Variants in GYPB observed in about 807,000 individuals in gnomAD.
GYPB encodes glycophorin B (MNS blood group), also known as glycophorin-B.
A neutral mutation model predicts 15.3 loss-of-function variants in GYPB; 13 were observed. That is an observed-to-expected ratio of 0.85 (90% CI 0.55 to 1.35). The LOEUF (loss-of-function observed/expected upper bound fraction) is 1.35, where lower values mean the gene tolerates loss of function less well. Ranked by LOEUF, GYPB falls within the 40% of genes most tolerant of loss-of-function variation. GYPB has a pLI of 0.00. For missense variants in GYPB, 131 were observed against 108.3 expected, an observed-to-expected ratio of 1.21 and a Z score of -0.93; for synonymous variants, 38 against 36.9, an observed-to-expected ratio of 1.03 and a Z score of -0.11.
At chr4:143,997,040 G>T (rs932449344) in intron 4 of GYPB, among the ~76,000 whole-genome samples, 2 of 150,912 alleles carry the variant, frequency 1.3e-5, no homozygotes, top group Non-Finnish European at 2.9e-5. Context: ...CTGAATAGCT[G>T]ATACTACACA....
At chr4:144,010,322 A>G (rs1728153462) in intron 1 of GYPB, among the ~76,000 whole-genome samples, 1 of 151,308 alleles carries the variant, frequency 6.6e-6, no homozygotes, top group Non-Finnish European at 1.5e-5. Flanking sequence ...CAAAAAAATT[A>G]GTCAGGTGTG....
chr4:144,006,695 C>A (rs1470818176), intron 1 of GYPB, among the ~76,000 whole-genome samples: 1 of 152,050 alleles, frequency 6.6e-6, no homozygotes, highest in East Asian at 1.9e-4. Flanking sequence ...CAAACTCTTA[C>A]AAGGACACAC....
In GYPB at chr4:144,005,611, C is replaced by A. The variant is rs1727873251; in HGVS notation, c.38-4328G>T. On this transcript the variant is annotated intron_variant, in intron 1 of 4. Coordinates refer to ENST00000502664, the MANE Select transcript of GYPB (RefSeq NM_002100.6). Reference sequence around the variant, plus strand: ...TGAGATGAGAGTCAGTTTCTTAACCCCTTCACATCTTCTGGCAGGAACACA... The same window carrying A: ...TGAGATGAGAGTCAGTTTCTTAACCACTTCACATCTTCTGGCAGGAACACA... Among the ~76,000 whole-genome samples, 3 of 151,608 alleles carry A rather than the reference C, an allele frequency of 2.0e-5. No individual in the cohort carries two copies. The South Asian group carries it at 6.2e-4, about 31-fold the overall frequency.
In GYPB at chr4:143,996,449, C is replaced by T. The variant is rs938718039; in HGVS notation, c.271-145G>A. On this transcript the variant is annotated intron_variant, in intron 4 of 4. Transcript: ENST00000502664. ...TTCTAAAGGGTACCTAGGGGTGTTG[C>T]CAAGTTCTTTTGGTTTTATAAAAAC... The T allele has an allele frequency of 9.0e-6, 13 of 1,445,670 alleles. No individual in the cohort carries two copies. In the South Asian group the frequency reaches 1.7e-4, roughly 18 times the overall value. 89.6% of individuals were successfully genotyped at this position (1,445,670 alleles called of 1,614,324 possible).
intron 1 of GYPB, among the ~76,000 whole-genome samples, chr4:144,018,390 TAC>T (rs1728614001): frequency 6.6e-6 from 1 of 151,074 alleles, no homozygotes; most frequent in Admixed American, 6.6e-5. Flanking sequence ...CCCTGTATGC[TAC>T]AGAGTGCTCA....
At chr4:144,016,567 A>G (rs1301452501) in intron 1 of GYPB, among the ~76,000 whole-genome samples, 1 of 151,304 alleles carries the variant, frequency 6.6e-6, no homozygotes. Context: ...TAAAGTAGGC[A>G]TGATGATATC....
chr4:144,000,247 G>A (rs1727553433), intron 2 of GYPB: 1 of 202,982 alleles, frequency 4.9e-6, no homozygotes, highest in Non-Finnish European at 1.0e-5. Context: ...AGTTGTGGGT[G>A]CTATATGGGC....
chr4:144,002,450 G>A (rs1481145879), intron 1 of GYPB: 1 of 420,606 alleles, frequency 2.4e-6, no homozygotes, highest in Non-Finnish European at 4.2e-6. Context: ...GTATTCCATT[G>A]TATGAATGTT....
At position 144,000,839 on chromosome 4, in the gene GYPB, G is replaced by C. The variant is rs545056245; in HGVS notation, c.136+346C>G. On this transcript the variant is annotated intron_variant, in intron 2 of 4. Transcript: ENST00000502664. ...TCACCCTGGGTCAGCAGCTGGGATA[G>C]AGCTGAGCCCAGGTCTGAGCTGAAC... is the stretch of plus-strand genomic sequence containing the variant. 2.0e-5 allele frequency among the ~76,000 whole-genome samples: 3 copies of C among 151,352 alleles called. No homozygotes were observed. The East Asian group carries it at 5.8e-4, about 29-fold the overall frequency.
At chr4:144,018,484 T>C in intron 1 of GYPB, among the ~76,000 whole-genome samples, 1 of 151,322 alleles carries the variant, frequency 6.6e-6, no homozygotes, top group East Asian at 1.9e-4. Context: ...GCCTGCCCCC[T>C]GTGTGCTGGG....
rs934491920 is a variant in GYPB at position 144,001,662 on chromosome 4, A to G, written c.38-379T>C. On this transcript the variant is annotated intron_variant, in intron 1 of 4. Transcript: ENST00000502664. The stretch of plus-strand genomic sequence containing the variant: ...TGTGTATGTGTTAGTATAGTACTTG[A>G]CACATAAAGAGCATTACATATATGT... Among the ~76,000 whole-genome samples the G allele has an allele frequency of 2.2e-4, 34 of 151,326 alleles. 3 individuals are homozygous for G. The highest frequency in any genetic ancestry group is 7.4e-4 in the African/African-American group (30 of 40,686).
In GYPB at chr4:143,997,647, G is replaced by A. The variant is rs1206751146; in HGVS notation, c.176-13C>T. ...ATCACTACAGGAGCTAAAGAGAGCAGCAAAATTATGAAAGTCTGAAATAAA... is the reference window on the plus strand; with the variant it reads ...ATCACTACAGGAGCTAAAGAGAGCAACAAAATTATGAAAGTCTGAAATAAA... On this transcript the variant is annotated splice_polypyrimidine_tract_variant and intron_variant, in intron 3 of 4. Coordinates refer to ENST00000502664, the MANE Select transcript of GYPB (RefSeq NM_002100.6). The A allele has an allele frequency of 2.3e-6, 3 of 1,330,650 alleles. No homozygotes were observed. The East Asian group carries it at 6.9e-5, about 31-fold the overall frequency. The allele number at this position is 1,330,650 out of a possible 1,614,324, so 82.4% of individuals were successfully genotyped here.
At chr4:144,000,987 C>G (rs1727590435) in intron 2 of GYPB, among the ~76,000 whole-genome samples, 198 bp downstream of exon 2, 1 of 151,300 alleles carries the variant, frequency 6.6e-6, no homozygotes, top group Non-Finnish European at 1.5e-5. Flanking sequence ...CTTTAACTCA[C>G]AGTATTATTT....
At chr4:144,013,860 A>G (rs570390095) in intron 1 of GYPB, among the ~76,000 whole-genome samples, 1 of 150,854 alleles carries the variant, frequency 6.6e-6, no homozygotes, top group East Asian at 1.9e-4. Flanking sequence ...AGCATGGCAC[A>G]TGTATACATA....
Position 144,011,119 on chromosome 4 carries a change from G to A in GYPB, c.37+8132C>T, listed in dbSNP as rs190810197. ...GGTTAGGACTGGTGCAATGGCTCAT[G>A]CCTGTAATCCCAACATTTTGGGAGG... is the stretch of plus-strand genomic sequence containing the variant. On this transcript the variant is annotated intron_variant, in intron 1 of 4. Transcript: ENST00000502664. Among the ~76,000 whole-genome samples the A allele has an allele frequency of 4.2e-4, 64 of 151,434 alleles. 5 individuals carry two copies. The highest frequency in any genetic ancestry group is 1.5e-3 in the African/African-American group (63 of 40,740).
chr4:144,001,294 T>G lies in GYPB; in HGVS notation c.38-11A>C, dbSNP rs1215222560. 15 of 1,612,756 alleles carry G rather than the reference T, an allele frequency of 9.3e-6. No individual in the cohort carries two copies. The highest frequency in any genetic ancestry group is 1.3e-5 in the Non-Finnish European group (15 of 1,179,784). On this transcript the variant is annotated splice_polypyrimidine_tract_variant and intron_variant, in intron 1 of 4. Coordinates refer to ENST00000502664, the MANE Select transcript of GYPB (RefSeq NM_002100.6). Reference sequence around the variant, plus strand: ...ATATGCTCACAATTTCTGTATAAAATAGAAGTTGAGAAAGGGATTAAGAAC... The same window carrying G: ...ATATGCTCACAATTTCTGTATAAAAGAGAAGTTGAGAAAGGGATTAAGAAC...
intron 1 of GYPB, among the ~76,000 whole-genome samples, chr4:144,010,034 A>G (rs1297600258): frequency 6.6e-6 from 1 of 151,440 alleles, no homozygotes; most frequent in African/African-American, 2.5e-5. Flanking sequence ...TAGCATAACT[A>G]GAATGTCTGG....
At chr4:144,006,096 T>C (rs1483946735) in intron 1 of GYPB, among the ~76,000 whole-genome samples, 1 of 151,840 alleles carries the variant, frequency 6.6e-6, no homozygotes, top group Non-Finnish European at 1.5e-5. Flanking sequence ...ACTTTAAATT[T>C]ATGTTTTTCA....
intron 3 of GYPB, chr4:143,999,110 A>G: frequency 3.9e-6 from 1 of 258,858 alleles, no homozygotes; most frequent in Non-Finnish European, 7.3e-6. Flanking sequence ...ATTTTGCCAT[A>G]TTGCCCAGGC....
Sources: gnomAD v4.1 joint callset for allele counts (sites outside exome capture counted in the v4.1 genomes callset) on GRCh38, gnomAD v4.1.1 for gene constraint, MANE v1.5 for transcripts, NCBI Gene and HGNC (gene_info 2026-07-23, HGNC 2026-07-21) for gene names.